Variants in ADGRL2 observed in about 807,000 individuals in gnomAD.
ADGRL2 encodes the protein adhesion G protein-coupled receptor L2.
Under a neutral mutation model 157.4 loss-of-function variants are expected in ADGRL2, and 44 were observed. That is an observed-to-expected ratio of 0.28 (90% confidence interval 0.22 to 0.36). The LOEUF is 0.36. Among genes scored for constraint, ADGRL2 ranks in the 10% least tolerant of loss-of-function variants. The pLI is 1.00. For synonymous variants in ADGRL2, 585 were observed against 624.7 expected (o/e 0.94, Z 0.95); for missense variants, 1,510 against 1,768.9 (o/e 0.85, Z 2.63).
intron 1 of ADGRL2, among the ~76,000 whole-genome samples, chr1:81,441,318 T>C (rs983064937): frequency 6.6e-6 from 1 of 152,226 alleles, no homozygotes; most frequent in Admixed American, 6.5e-5. Flanking sequence ...CTTGTTTTGA[T>C]CTATAGTGCA....
In ADGRL2 at chr1:81,907,132, C is replaced by T. The variant is rs536408064; in HGVS notation, c.189C>T (p.Asn63=). ...GSDVIMIESA[N]YGRTDDKICD... is the part of the protein sequence containing the mutation. ...ATGTCATCATGATTGAGAGCGCTAA[C>T]TATGGTCGGACGGATGACAAGATTT... Residue 63 remains asparagine, a synonymous_variant, in exon 3 of 24, where the codon AAC becomes AAT. Transcript: ENST00000686636. The T allele has an allele frequency of 9.3e-6, 15 of 1,614,046 alleles. No homozygotes were observed. In the South Asian group the frequency reaches 1.5e-4, roughly 17 times the overall value.
intron 1 of ADGRL2, among the ~76,000 whole-genome samples, chr1:81,816,422 T>C (rs1050505601): frequency 1.3e-5 from 2 of 151,896 alleles, no homozygotes; most frequent in Non-Finnish European, 2.9e-5. Context: ...TTTCCTCTTA[T>C]AGAATGTTTT....
rs545974116 is a variant in ADGRL2, at chr1:81,860,051, C to T, written c.73+22994C>T. ...CAGCTTGGCCAACATAGTGAAACCC[C>T]GTCTGTACTAAAAATACAAAAAATT... On this transcript the variant is annotated intron_variant, in intron 2 of 23. Transcript: ENST00000686636. 4.6e-5 allele frequency among the ~76,000 whole-genome samples: 7 copies of T among 151,698 alleles called. 1 individual carries two copies. Among genetic ancestry groups the T allele is most frequent in the African/African-American group, 1.2e-4 (5 of 41,376 alleles).
At chr1:81,724,068 T>C (rs528015338) in intron 1 of ADGRL2, among the ~76,000 whole-genome samples, 45 of 152,142 alleles carry the variant, frequency 3.0e-4, no homozygotes, top group Non-Finnish European at 4.4e-5. Context: ...TCCACCAGCA[T>C]CATCACTGTT....
chr1:81,729,067 G>T (rs962548288), intron 1 of ADGRL2, among the ~76,000 whole-genome samples: 3 of 151,016 alleles, frequency 2.0e-5, no homozygotes, highest in African/African-American at 7.3e-5. Context: ...TAGATGCTAG[G>T]ATACAAATAT....
At chr1:81,809,932 T>C (rs1206836930) in intron 1 of ADGRL2, among the ~76,000 whole-genome samples, 1 of 151,906 alleles carries the variant, frequency 6.6e-6, no homozygotes, top group Non-Finnish European at 1.5e-5. Context: ...TATCCACACT[T>C]TGCCTCCTTT....
chr1:81,341,266 T>C lies in ADGRL2; in HGVS notation c.-302+34757T>C, dbSNP rs1032611140. 2.0e-5 allele frequency among the ~76,000 whole-genome samples: 3 copies of C among 152,054 alleles called. No individual in the cohort carries two copies. The South Asian group carries it at 6.2e-4, about 32-fold the overall frequency. On this transcript the variant is annotated intron_variant, in intron 1 of 24. Transcript: ENST00000370721. The stretch of plus-strand genomic sequence containing the variant: ...ATTGATTATTAGAAGTAAAAATATA[T>C]TTTTTTGAAAGGCCATGGAACTATT...
intron 3 of ADGRL2, among the ~76,000 whole-genome samples, chr1:81,665,208 G>A (rs1050435547): frequency 6.6e-6 from 1 of 152,068 alleles, no homozygotes; most frequent in Non-Finnish European, 1.5e-5. Flanking sequence ...TGCCAAGTAA[G>A]CATGTTTATG....
intron 2 of ADGRL2, among the ~76,000 whole-genome samples, chr1:81,485,843 A>G (rs909731476): frequency 3.3e-5 from 5 of 152,214 alleles, no homozygotes; most frequent in Non-Finnish European, 5.9e-5. Context: ...TAAATGATGA[A>G]TCAAGTGAAG....
intron 2 of ADGRL2, among the ~76,000 whole-genome samples, chr1:81,793,426 A>G (rs2087441179): frequency 6.6e-6 from 1 of 152,128 alleles, no homozygotes; most frequent in Non-Finnish European, 1.5e-5. Context: ...GCTCTATGCA[A>G]GAGTTCTATG....
Position 81,921,705 on chromosome 1 carries a change from G to A in ADGRL2, c.287+14475G>A, listed in dbSNP as rs546522349. Among the ~76,000 whole-genome samples, 11 of 152,272 alleles carry A rather than the reference G, an allele frequency of 7.2e-5. No homozygotes were observed. The East Asian group carries it at 1.9e-3, about 27-fold the overall frequency. ...ATTCAGGCTAGAAGTATAATATGAG[G>A]ATAGACACTTTCTGCTTTCATTGTC... On this transcript the variant is annotated intron_variant, in intron 3 of 23. Transcript: ENST00000686636.
chr1:81,766,364 T>C (rs2086117503), intron 2 of ADGRL2, among the ~76,000 whole-genome samples: 2 of 152,178 alleles, frequency 1.3e-5, no homozygotes, highest in Admixed American at 6.6e-5. Context: ...GCTTCTGAAA[T>C]GATTTATTGC....
intron 1 of ADGRL2, among the ~76,000 whole-genome samples, chr1:81,384,837 G>A (rs1481420627): frequency 2.0e-5 from 3 of 152,118 alleles, no homozygotes; most frequent in African/African-American, 7.2e-5. Context: ...ACAAGGAACA[G>A]CCAAGTTATC....
At chr1:81,739,942 A>G (rs969151215) in intron 1 of ADGRL2, among the ~76,000 whole-genome samples, 15 of 152,184 alleles carry the variant, frequency 9.9e-5, no homozygotes, top group African/African-American at 3.6e-4. Flanking sequence ...AAATATACAA[A>G]TGTACATGCA....
intron 1 of ADGRL2, among the ~76,000 whole-genome samples, chr1:81,314,836 T>C (rs564306239): frequency 6.6e-6 from 1 of 152,306 alleles, no homozygotes; most frequent in East Asian, 1.9e-4. Context: ...TGAAAAATAA[T>C]CTTGTCTGAC....
chr1:81,482,249 CAG>C (rs768808307), intron 2 of ADGRL2, among the ~76,000 whole-genome samples: 47 of 152,228 alleles, frequency 3.1e-4, no homozygotes, highest in African/African-American at 9.1e-4. Flanking sequence ...GCCAAACAAA[CAG>C]AAAGTTTGAA....
intron 1 of ADGRL2, among the ~76,000 whole-genome samples, chr1:81,324,651 AAAGT>A (rs1660766891): frequency 1.3e-5 from 2 of 151,964 alleles, no homozygotes; most frequent in Non-Finnish European, 2.9e-5. Context: ...ATTGGAAAAG[AAAGT>A]AATATGTCAA....
chr1:81,447,852 G>A (rs577605637), intron 2 of ADGRL2, among the ~76,000 whole-genome samples: 11 of 152,130 alleles, frequency 7.2e-5, no homozygotes, highest in Non-Finnish European at 1.6e-4. Flanking sequence ...CTAGTGGGAA[G>A]TGATCTGATC....
intron 17 of ADGRL2, among the ~76,000 whole-genome samples, chr1:81,976,187 A>C (rs537085313): frequency 6.6e-6 from 1 of 152,154 alleles, no homozygotes; most frequent in Non-Finnish European, 1.5e-5. Flanking sequence ...CTAGTAAATA[A>C]TATGTATTGG....
Sources: allele counts gnomAD v4.1 joint callset (sites outside exome capture counted in the v4.1 genomes callset), GRCh38; gene constraint gnomAD v4.1.1; transcripts MANE v1.5; gene names NCBI Gene and HGNC (gene_info 2026-07-23, HGNC 2026-07-21).